Variants in TESK2 observed in about 807,000 individuals in gnomAD.
The protein encoded by TESK2 is testis associated actin remodelling kinase 2.
Under a neutral mutation model 57.1 loss-of-function variants are expected in TESK2, and 39 were observed. The ratio of observed to expected loss-of-function variants is 0.68; its 90% confidence interval spans 0.53 to 0.89. The LOEUF (loss-of-function observed/expected upper bound fraction) is 0.89. Among genes scored for constraint, TESK2 ranks in the 40% least tolerant of loss-of-function variants. The probability of loss-of-function intolerance (pLI) is 0.00; values close to 1 mark genes in which losing one functional copy is unlikely to be tolerated. For missense variants in TESK2, 646 were observed against 732.1 expected (o/e 0.88, Z 1.36); for synonymous variants, 249 against 267.9 (o/e 0.93, Z 0.69).
At chr1:45,390,385 G>A (rs998777599) in intron 3 of TESK2, among the ~76,000 whole-genome samples, 43 of 152,040 alleles carry the variant, frequency 2.8e-4, no homozygotes, top group African/African-American at 1.0e-3. Context: ...GATCACTTTA[G>A]CCAGGGAGGC....
At chr1:45,488,258 T>C (rs1215758069) in intron 1 of TESK2, among the ~76,000 whole-genome samples, 2 of 152,122 alleles carry the variant, frequency 1.3e-5, no homozygotes, top group African/African-American at 2.4e-5. Context: ...TCTTTCATTT[T>C]CCATTTAAGA....
At position 45,421,591 on chromosome 1, in the gene TESK2, T is replaced by G. The variant is rs1650479849; in HGVS notation, c.344+134A>C. On this transcript the variant is annotated intron_variant, in intron 3 of 10. Transcript: ENST00000372086. ...TCAATGGGTAGAAAACGACCTAGAG[T>G]ACCACTAAACCCCAGCAAGATAGAT... is the stretch of plus-strand genomic sequence containing the variant. The G allele has an allele frequency of 1.4e-5, 17 of 1,255,352 alleles. No homozygotes were observed. In the East Asian group the frequency reaches 3.8e-4, roughly 28 times the overall value. 77.8% of individuals were successfully genotyped at this position (1,255,352 alleles called of 1,614,324 possible). A position where few individuals can be genotyped will look rare whatever the true frequency, so the allele number is the denominator to read the frequency against.
intron 3 of TESK2, among the ~76,000 whole-genome samples, chr1:45,408,913 G>A (rs1649942142): frequency 6.6e-6 from 1 of 152,104 alleles, no homozygotes; most frequent in Non-Finnish European, 1.5e-5. Context: ...ATGTCTTATT[G>A]GGGTGGGTGA....
chr1:45,415,576 T>G (rs1202889124), intron 3 of TESK2, among the ~76,000 whole-genome samples: 1 of 152,116 alleles, frequency 6.6e-6, no homozygotes, highest in African/African-American at 2.4e-5. Context: ...CAACAAAGGC[T>G]ATAATAGGCC....
chr1:45,418,223 A>G (rs887782121), intron 3 of TESK2, among the ~76,000 whole-genome samples: 2 of 152,230 alleles, frequency 1.3e-5, no homozygotes, highest in Admixed American at 1.3e-4. Context: ...AAATTAAAAT[A>G]TTACTTCTTA....
At chr1:45,354,486 G>C (rs1233194917) in intron 5 of TESK2, among the ~76,000 whole-genome samples, 2 of 151,926 alleles carry the variant, frequency 1.3e-5, no homozygotes, top group East Asian at 3.9e-4. Context: ...ATTAGCGAGG[G>C]GTGATGGCAG....
chr1:45,454,066 A>G (rs1046617680), intron 2 of TESK2, among the ~76,000 whole-genome samples: 3 of 152,206 alleles, frequency 2.0e-5, no homozygotes, highest in African/African-American at 7.2e-5. Flanking sequence ...TATTGCTGAT[A>G]GAACTGTAAA....
At chr1:45,361,453 T>C (rs1024936084) in intron 4 of TESK2, among the ~76,000 whole-genome samples, 1 of 152,256 alleles carries the variant, frequency 6.6e-6, no homozygotes, top group Non-Finnish European at 1.5e-5. Context: ...AAATGTGTTA[T>C]AGATACTTCA....
intron 3 of TESK2, among the ~76,000 whole-genome samples, chr1:45,397,315 G>A (rs767277889): frequency 1.4e-4 from 21 of 152,242 alleles, no homozygotes; most frequent in South Asian, 6.2e-4. Context: ...AGGCAGAGCC[G>A]GGAGTCAAAC....
intron 3 of TESK2, among the ~76,000 whole-genome samples, chr1:45,402,605 C>A (rs979874757): frequency 6.6e-6 from 1 of 151,746 alleles, no homozygotes; most frequent in Non-Finnish European, 1.5e-5. Flanking sequence ...GCCTCAGCCT[C>A]CCAAGTAGCT....
intron 1 of TESK2, among the ~76,000 whole-genome samples, chr1:45,480,986 T>C (rs1653194007): frequency 6.6e-6 from 1 of 150,596 alleles, no homozygotes; most frequent in Non-Finnish European, 1.5e-5. Context: ...AGATTCTGTC[T>C]CAAAAAAATA....
intron 1 of TESK2, among the ~76,000 whole-genome samples, chr1:45,462,228 T>TGA (rs1652358301): frequency 1.3e-5 from 2 of 152,112 alleles, no homozygotes; most frequent in South Asian, 4.1e-4. Flanking sequence ...TCACTTAACA[T>TGA]GATGTCCTCA....
rs148163405 is a variant in TESK2 at position 45,383,425 on chromosome 1, T to C, written c.393+2487A>G. On this transcript the variant is annotated intron_variant, in intron 4 of 10. Coordinates refer to ENST00000372086, the MANE Select transcript of TESK2 (RefSeq NM_007170.3). Reference sequence around the variant, plus strand: ...ATTAAAAATTACTAATATCATAAGCTATGTCAAAATCTCATTAATGCTGCT... The same window carrying C: ...ATTAAAAATTACTAATATCATAAGCCATGTCAAAATCTCATTAATGCTGCT... Among the ~76,000 whole-genome samples the C allele has an allele frequency of 2.1e-3, 322 of 152,268 alleles. 1 individual carries two copies. The highest frequency in any genetic ancestry group is 6.8e-3 in the Middle Eastern group (2 of 294).
rs749056420 is a variant in TESK2, at chr1:45,345,030, G to C, written c.1526C>G (p.Ala509Gly). The change falls in exon 11 of 11, where the codon GCC becomes GGC. Residue 509 changes from alanine to glycine, a missense_variant. Coordinates refer to ENST00000372086, the MANE Select transcript of TESK2 (RefSeq NM_007170.3). ...AATGGAGCAGTCCATAGCCTCATGGGCTTGAGCAGCTGGTAGGGCAGATGC... is the reference window on the plus strand; with the variant it reads ...AATGGAGCAGTCCATAGCCTCATGGCCTTGAGCAGCTGGTAGGGCAGATGC... ...FRASALPAAQ[A>G]HEAMDCSILQ... is the part of the protein sequence containing the mutation. The C allele has an allele frequency of 1.9e-6, 3 of 1,614,254 alleles. No homozygotes were observed. The South Asian group carries it at 3.3e-5, about 18-fold the overall frequency.
chr1:45,420,855 T>C (rs1356967783), intron 3 of TESK2, among the ~76,000 whole-genome samples: 1 of 152,198 alleles, frequency 6.6e-6, no homozygotes, highest in Non-Finnish European at 1.5e-5. Flanking sequence ...CCCAAAGTGC[T>C]GGGATTACAG....
chr1:45,441,220 G>C (rs1315017376), intron 2 of TESK2, among the ~76,000 whole-genome samples: 3 of 152,178 alleles, frequency 2.0e-5, no homozygotes, highest in Non-Finnish European at 4.4e-5. Flanking sequence ...GCCCAGGCTG[G>C]AGTGCAATGG....
At chr1:45,385,806 TA>T (rs1280484361) in intron 4 of TESK2, 105 bp downstream of exon 4, 5 of 681,098 alleles carry the variant, frequency 7.3e-6, no homozygotes, top group Non-Finnish European at 9.6e-6. Flanking sequence ...TGCATAAACA[TA>T]AATGCACATA....
intron 2 of TESK2, among the ~76,000 whole-genome samples, chr1:45,454,930 G>A (rs1652013553): frequency 6.6e-6 from 1 of 152,022 alleles, no homozygotes; most frequent in Non-Finnish European, 1.5e-5. Flanking sequence ...CTTATATAAG[G>A]TACCTAGAAT....
At chr1:45,446,755 T>G (rs1477929328) in intron 2 of TESK2, among the ~76,000 whole-genome samples, 1 of 152,186 alleles carries the variant, frequency 6.6e-6, no homozygotes, top group African/African-American at 2.4e-5. Context: ...TTGGCAAATA[T>G]ACAAAGTCAA....
Sources: gnomAD v4.1 joint callset for allele counts (sites outside exome capture counted in the v4.1 genomes callset) on GRCh38, gnomAD v4.1.1 for gene constraint, MANE v1.5 for transcripts, NCBI Gene and HGNC (gene_info 2026-07-23, HGNC 2026-07-21) for gene names.